VAV2: variants seen among roughly 807,000 people sequenced by gnomAD.
VAV2 encodes guanine nucleotide exchange factor VAV2.
VAV2 carries 67 observed loss-of-function variants against 132.5 expected under a neutral mutation model. That is an observed-to-expected ratio of 0.51 (90% confidence interval 0.42 to 0.62). The LOEUF (loss-of-function observed/expected upper bound fraction) is 0.62. VAV2 is among the 20% of genes least tolerant of loss of function. The probability of loss-of-function intolerance (pLI) is 0.00; values close to 1 mark genes in which losing one functional copy is unlikely to be tolerated. For synonymous variants in VAV2, 492 were observed against 443.5 expected, an observed-to-expected ratio of 1.11 and a Z score of -1.37; for missense variants, 938 against 1,153.6, an observed-to-expected ratio of 0.81 and a Z score of 2.71.
chr9:133,910,839 A>G (rs1179075801), intron 2 of VAV2, among the ~76,000 whole-genome samples: 27 of 142,266 alleles, frequency 1.9e-4, no homozygotes, highest in African/African-American at 5.7e-4. Context: ...AAAAAAAAAG[A>G]AAAAGAAAAA....
chr9:133,924,959 C>T (rs1026548693), intron 2 of VAV2, among the ~76,000 whole-genome samples: 3 of 152,152 alleles, frequency 2.0e-5, no homozygotes, highest in Admixed American at 6.5e-5. Context: ...TGCAAGAAGC[C>T]GACGCTAAAG....
At chr9:133,978,674 T>C (rs1318211888) in intron 1 of VAV2, among the ~76,000 whole-genome samples, 1 of 152,212 alleles carries the variant, frequency 6.6e-6, no homozygotes. Context: ...GAAACACTGT[T>C]TCCAGCAGCA....
chr9:133,831,074 A>C (rs775169346), intron 4 of VAV2, among the ~76,000 whole-genome samples: 67 of 152,192 alleles, frequency 4.4e-4, no homozygotes, highest in Non-Finnish European at 1.6e-4. Flanking sequence ...TTTCTGGGTG[A>C]GAGGAATTCC....
chr9:133,898,982 C>T (rs554697526), intron 2 of VAV2, among the ~76,000 whole-genome samples: 5 of 151,904 alleles, frequency 3.3e-5, no homozygotes, highest in African/African-American at 4.8e-5. Flanking sequence ...CCACCACGCC[C>T]GGCTAATTTT....
At chr9:133,890,409 C>A (rs996966495) in intron 2 of VAV2, among the ~76,000 whole-genome samples, 1 of 152,212 alleles carries the variant, frequency 6.6e-6, no homozygotes, top group Non-Finnish European at 1.5e-5. Context: ...CCCCGGACTA[C>A]ATTTCTTCCT....
intron 2 of VAV2, among the ~76,000 whole-genome samples, chr9:133,870,865 G>C (rs1309225109): frequency 1.4e-5 from 2 of 141,150 alleles, no homozygotes; most frequent in African/African-American, 5.4e-5. Flanking sequence ...TGGATAAGTG[G>C]GTAGGTGGGT....
At chr9:133,861,578 A>G in intron 2 of VAV2, 146 bp from the exon 3 acceptor site, 2 of 847,252 alleles carry the variant, frequency 2.4e-6, no homozygotes, top group African/African-American at 1.7e-5. Context: ...AGCGTTTTGT[A>G]GGCTAGACAC....
chr9:133,958,584 T>C (rs1301788048), intron 1 of VAV2, among the ~76,000 whole-genome samples: 2 of 149,788 alleles, frequency 1.3e-5, no homozygotes, highest in Non-Finnish European at 3.0e-5. Flanking sequence ...TAAAGGGAAC[T>C]CAGAGGCTGG....
At chr9:133,989,702 GT>G (rs1359748344) in intron 1 of VAV2, among the ~76,000 whole-genome samples, 1 of 152,136 alleles carries the variant, frequency 6.6e-6, no homozygotes, top group Non-Finnish European at 1.5e-5. Context: ...AAAAAAAAAA[GT>G]GAGTTTCCCA....
intron 1 of VAV2, among the ~76,000 whole-genome samples, chr9:133,956,412 T>C (rs1841781559): frequency 6.6e-6 from 1 of 152,154 alleles, no homozygotes; most frequent in Admixed American, 6.5e-5. Flanking sequence ...GGAAAGGGTG[T>C]CTAGGGTACT....
intron 9 of VAV2, 83 bp from the exon 10 acceptor site, chr9:133,797,892 G>T: frequency 7.4e-7 from 1 of 1,356,818 alleles, no homozygotes; most frequent in Non-Finnish European, 1.0e-6. Context: ...ATTTTTCCCA[G>T]CAGGCTGTAG....
chr9:133,894,089 G>A lies in VAV2; in HGVS notation c.322-32657C>T, dbSNP rs544915583. Among the ~76,000 whole-genome samples, 18 of 152,298 alleles carry A rather than the reference G, an allele frequency of 1.2e-4. No homozygotes were observed. In the East Asian group the frequency reaches 1.9e-3, roughly 16 times the overall value. ...CCCCCACTCCCCGCCTCCACTGCCC[G>A]TCAGAATTCAGGGAAGCTGCACGGG... On this transcript the variant is annotated intron_variant, in intron 2 of 29. Transcript: ENST00000371850.
intron 13 of VAV2, among the ~76,000 whole-genome samples, chr9:133,790,236 G>A (rs1834398564): frequency 6.6e-6 from 1 of 152,172 alleles, no homozygotes; most frequent in South Asian, 2.1e-4. Context: ...GAGTGCAGTG[G>A]CGCAATCGTG....
At chr9:133,818,365 CAAAA>C (rs34171114) in intron 4 of VAV2, among the ~76,000 whole-genome samples, 1 of 99,660 alleles carries the variant, frequency 1.0e-5, no homozygotes, top group Non-Finnish European at 2.1e-5. Context: ...GACTCCATCT[CAAAA>C]AAAAAAAAAA....
intron 23 of VAV2, among the ~76,000 whole-genome samples, chr9:133,776,399 C>T (rs1253380803): frequency 1.3e-5 from 2 of 152,186 alleles, no homozygotes; most frequent in Non-Finnish European, 2.9e-5. Flanking sequence ...GAGACACCCA[C>T]AGCCAAGCTC....
chr9:133,897,711 C>G (rs1839269617), intron 2 of VAV2, among the ~76,000 whole-genome samples: 1 of 152,126 alleles, frequency 6.6e-6, no homozygotes, highest in South Asian at 2.1e-4. Flanking sequence ...TAGTGAAGGC[C>G]AAATATGGAA....
intron 2 of VAV2, among the ~76,000 whole-genome samples, chr9:133,872,747 A>G (rs955016567): frequency 2.8e-5 from 4 of 145,318 alleles, no homozygotes; most frequent in African/African-American, 8.1e-5. Context: ...CCAGGCGGCC[A>G]CTCCAACCAT....
At chr9:133,859,314 G>A (rs1837506589) in intron 3 of VAV2, among the ~76,000 whole-genome samples, 1 of 152,228 alleles carries the variant, frequency 6.6e-6, no homozygotes, top group East Asian at 1.9e-4. Context: ...CAGGAGGGCA[G>A]CGGCATCGAG....
At chr9:133,941,777 T>C (rs1477615385) in intron 1 of VAV2, among the ~76,000 whole-genome samples, 4 of 152,112 alleles carry the variant, frequency 2.6e-5, no homozygotes, top group Non-Finnish European at 5.9e-5. Flanking sequence ...CTAATTTTTG[T>C]ATTTTTAGTA....
Sources: allele counts gnomAD v4.1 joint callset (sites outside exome capture counted in the v4.1 genomes callset), GRCh38; gene constraint gnomAD v4.1.1; transcripts MANE v1.5; gene names NCBI Gene and HGNC (gene_info 2026-07-23, HGNC 2026-07-21).